Variants in MED1 observed in about 807,000 individuals in gnomAD.
MED1 encodes the protein mediator of RNA polymerase II transcription subunit 1.
MED1 carries 17 observed loss-of-function variants against 121.3 expected under a neutral mutation model. That is an observed-to-expected ratio of 0.14 (90% CI 0.10 to 0.21). The LOEUF is 0.21. Among genes scored for constraint, MED1 ranks in the 10% least tolerant of loss-of-function variants. The probability of loss-of-function intolerance (pLI) is 1.00; values close to 1 mark genes in which losing one functional copy is unlikely to be tolerated. For synonymous variants in MED1, 661 were observed against 694.4 expected, an observed-to-expected ratio of 0.95 and a Z score of 0.76; for missense variants, 1,558 against 1,919.4, an observed-to-expected ratio of 0.81 and a Z score of 3.52.
At chr17:39,437,448 G>A (rs556916814) in intron 6 of MED1, among the ~76,000 whole-genome samples, 6 of 152,252 alleles carry the variant, frequency 3.9e-5, no homozygotes, top group Non-Finnish European at 5.9e-5. Context: ...GGACATGGTT[G>A]TAACAACTAA....
chr17:39,440,018 GAAA>G lies in MED1; in HGVS notation c.399+365_399+367del, dbSNP rs1567651996. On this transcript the variant is annotated intron_variant, in intron 5 of 16. Coordinates refer to ENST00000300651, the MANE Select transcript of MED1 (RefSeq NM_004774.4). The surrounding 1 kb of genome is among the most constrained non-coding windows in gnomAD (Gnocchi z 4.1). ...GGAAGGAAGGAAGGAAGGAAGGAAGGAAAGAAAGAAAGAAAGAGAGAAAGAGAA... is the reference window on the plus strand; with the variant it reads ...GGAAGGAAGGAAGGAAGGAAGGAAGGGAAAGAAAGAAAGAGAGAAAGAGAA... Among the ~76,000 whole-genome samples the G allele has an allele frequency of 7.0e-4, 52 of 74,330 alleles. No homozygotes were observed. The highest frequency in any genetic ancestry group is 1.6e-3 in the Non-Finnish European group (41 of 25,842). 48.8% of individuals were successfully genotyped at this position (74,330 alleles called of 152,430 possible).
chr17:39,409,273 A>G lies in MED1; in HGVS notation c.2948T>C (p.Leu983Pro). The G allele has an allele frequency of 1.2e-6, 2 of 1,613,960 alleles. No individual in the cohort carries two copies. The highest frequency in any genetic ancestry group is 1.7e-6 in the Non-Finnish European group (2 of 1,179,978). Residue 983 changes from leucine (L) to proline (P), a missense_variant, in exon 17 of 17, where the codon CTC (leucine) becomes CCC (proline). Coordinates refer to ENST00000300651, the MANE Select transcript of MED1 (RefSeq NM_004774.4). ...TTTGCTGTCTAATCCGGGCCCCGAG[A>G]GAGTACTATTACTGGTGCCATTGCC... ...KEGNGTSNST[L>P]SGPGLDSKPG...
rs956901847 is a variant in MED1 at position 39,405,843 on chromosome 17, T to C, written c.*1632A>G. 7 of 985,550 alleles carry C rather than the reference T, an allele frequency of 7.1e-6. No individual in the cohort carries two copies. Among genetic ancestry groups the C allele is most frequent in the South Asian group, 9.4e-5 (2 of 21,332 alleles). The allele number at this position is 985,550 out of a possible 1,614,324, so 61.1% of individuals were successfully genotyped here. A position where few individuals can be genotyped will look rare whatever the true frequency, so the allele number is the denominator to read the frequency against. ...TCCAACCTGCAGAAAAAGCTGAATA[T>C]AGAAATCTTCTTCCATATATGATGA... is the stretch of plus-strand genomic sequence containing the variant. On this transcript the variant is annotated 3_prime_UTR_variant, in exon 17 of 17. Coordinates refer to ENST00000300651, the MANE Select transcript of MED1 (RefSeq NM_004774.4).
chr17:39,427,719 T>C lies in MED1; in HGVS notation c.721A>G (p.Ile241Val). The C allele has an allele frequency of 6.3e-7, 1 of 1,599,614 alleles. No homozygotes were observed. Among genetic ancestry groups the C allele is most frequent in the South Asian group, 1.1e-5 (1 of 90,626 alleles). ...LLDDKTASPI[I>V]LHENNVSRSL... ...GTCTTACCATTATTCTCATGCAAAA[T>C]GATGGGAGATGCAGTCTTGTCATCC... Residue 241 changes from isoleucine to valine, a missense_variant, in exon 10 of 17, where the codon ATT becomes GTT. By Grantham distance (29) the Ile-to-Val change is conservative. Coordinates refer to ENST00000300651, the MANE Select transcript of MED1 (RefSeq NM_004774.4).
Position 39,408,118 on chromosome 17 carries a change from G to A in MED1, c.4103C>T (p.Ser1368Phe). ...SDKDKSKVST[S>F]GSSVDSSKKT... ...CTTAGAAGAATCCACTGAACTCCCG[G>A]AGGTGGAAACCTTTGATTTGTCTTT... Residue 1368 changes from serine (S) to phenylalanine (F), a missense_variant, in exon 17 of 17, where the codon TCC (serine) becomes TTC (phenylalanine). Physicochemically the swap from Ser to Phe is radical, Grantham distance 155. This residue lies in a region of MED1 where 264 missense variants were observed against 326.1 expected (regional missense o/e 0.81). Transcript: ENST00000300651. The surrounding 1 kb of genome is among the most constrained non-coding windows in gnomAD (Gnocchi z 4.7). The A allele has an allele frequency of 6.2e-7, 1 of 1,614,090 alleles. No individual in the cohort carries two copies. Among genetic ancestry groups the A allele is most frequent in the Non-Finnish European group, 8.5e-7 (1 of 1,180,032 alleles).
At chr17:39,447,960 G>A in intron 1 of MED1, 56 bp from the exon 2 acceptor site, 1 of 1,164,822 alleles carries the variant, frequency 8.6e-7, no homozygotes, top group Middle Eastern at 2.0e-4. Flanking sequence ...ACCATCCACA[G>A]TTTTCCTTGC....
chr17:39,447,465 TA>T (rs2048739552), intron 2 of MED1, among the ~76,000 whole-genome samples: 1 of 151,994 alleles, frequency 6.6e-6, no homozygotes, highest in African/African-American at 2.4e-5. Context: ...ATATGTTGTA[TA>T]AAATTACCTT....
Position 39,423,835 on chromosome 17 carries a change from A to C in MED1, c.852-14T>G, listed in dbSNP as rs1418045936. The C allele has an allele frequency of 6.3e-7, 1 of 1,590,798 alleles. No homozygotes were observed. The highest frequency in any genetic ancestry group is 1.1e-5 in the South Asian group (1 of 87,108). On this transcript the variant is annotated splice_polypyrimidine_tract_variant and intron_variant, in intron 11 of 16. Transcript: ENST00000300651. ...AAGGAAGGGGTCCTTCAAAAAAAAG[A>C]GGGTGGAAGGGTTGGATTCTGACTT... is the stretch of plus-strand genomic sequence containing the variant.
Position 39,408,454 on chromosome 17 carries a change from G to A in MED1, c.3767C>T (p.Ser1256Phe). The A allele has an allele frequency of 1.2e-6, 2 of 1,614,158 alleles. No homozygotes were observed. The highest frequency in any genetic ancestry group is 1.7e-6 in the Non-Finnish European group (2 of 1,180,028). ...SSGLGSSGSLSQKTPPSSNSC... is the reference protein window; with the variant it reads ...SSGLGSSGSLFQKTPPSSNSC... ...ATTAGATGATGGGGGAGTTTTCTGG[G>A]ACAACGAGCCTGAGGATCCTAACCC... The change falls in exon 17 of 17, where the codon TCC becomes TTC. Residue 1256 changes from serine to phenylalanine, a missense_variant. This residue lies in a region of MED1 where 793 missense variants were observed against 898.2 expected (regional missense o/e 0.88). Transcript: ENST00000300651. This position sits in a 1 kb window ranked among gnomAD's most constrained non-coding sequence, Gnocchi z 4.7.
At chr17:39,414,634 CTTTTTTTTTTTTTTTTTTTTTTTTTT>C (rs55829399) in intron 16 of MED1, among the ~76,000 whole-genome samples, 1 of 61,530 alleles carries the variant, frequency 1.6e-5, no homozygotes, top group Non-Finnish European at 3.1e-5. Context: ...CAGGCCCGGC[CTTTTTTTTTTTTTTTTTTTTTTTTTT>C]TTTTTTTTTT....
rs1189388067 is a variant in MED1, at chr17:39,432,817, C to G, written c.501-801G>C. Among the ~76,000 whole-genome samples the G allele has an allele frequency of 2.0e-5, 3 of 151,740 alleles. No individual in the cohort carries two copies. The East Asian group carries it at 5.8e-4, about 29-fold the overall frequency. ...CGGTGGCTCACGCCTGTAATCCCAA[C>G]ACTTTGGGAGGCCGAAGCGGGTAGA... On this transcript the variant is annotated intron_variant, in intron 7 of 16. Coordinates refer to ENST00000300651, the MANE Select transcript of MED1 (RefSeq NM_004774.4).
rs1201367790 is a variant in MED1, at chr17:39,423,423, T to C, written c.999A>G (p.Gln333=). The C allele has an allele frequency of 1.1e-5, 18 of 1,613,524 alleles. No homozygotes were observed. The highest frequency in any genetic ancestry group is 2.7e-5 in the African/African-American group (2 of 74,882). ...GTTCATACAGGGGTGCATAAGTTGGTTGAGTTTCAAACAATGGAATTCCTG... is the reference window on the plus strand; with the variant it reads ...GTTCATACAGGGGTGCATAAGTTGGCTGAGTTTCAAACAATGGAATTCCTG... The part of the protein sequence containing the change: ...NCTGIPLFET[Q]PTYAPLYELI... Residue 333 remains glutamine, a synonymous_variant, in exon 13 of 17, where the codon CAA becomes CAG. Transcript: ENST00000300651.
intron 1 of MED1, among the ~76,000 whole-genome samples, chr17:39,448,965 C>CA (rs2144779672): frequency 6.6e-6 from 1 of 151,868 alleles, no homozygotes; most frequent in African/African-American, 2.4e-5. Flanking sequence ...ACAAACTAGA[C>CA]AAAAACTCCT....
At position 39,407,830 on chromosome 17, in the gene MED1, TCACTGTC is replaced by T; in HGVS notation, c.4384_4390del (p.Asp1462LysfsTer8). ...TGCTATGGAGGAGCCTGACTCACTT[TCACTGTC>T]CAGATTCTGGGGGGTATATGCTGGT... On this transcript the variant is annotated frameshift_variant, in exon 17 of 17. Transcript: ENST00000300651. LOFTEE classifies it high-confidence loss of function. 6.2e-7 allele frequency: 1 copy of T among 1,614,214 alleles called. No homozygotes were observed. Among genetic ancestry groups the T allele is most frequent in the Non-Finnish European group, 8.5e-7 (1 of 1,180,042 alleles).
chr17:39,410,785 A>G (rs2048348594), intron 16 of MED1, 64 bp from the exon 17 acceptor site: 2 of 1,525,718 alleles, frequency 1.3e-6, no homozygotes, highest in Non-Finnish European at 1.8e-6. Context: ...CCTGAGATTT[A>G]GATATAACAT....
rs1211831562 is a variant in MED1, at chr17:39,424,844, A to G, written c.740-106T>C. Reference sequence around the variant, plus strand: ...TTGCAATATTTGTCAGCTATAATTTATCAGATGCTGTTATTCCCTTATTTA... The same window carrying G: ...TTGCAATATTTGTCAGCTATAATTTGTCAGATGCTGTTATTCCCTTATTTA... On this transcript the variant is annotated intron_variant, in intron 10 of 16. Coordinates refer to ENST00000300651, the MANE Select transcript of MED1 (RefSeq NM_004774.4). 12 of 693,408 alleles carry G rather than the reference A, an allele frequency of 1.7e-5. 1 individual carries two copies. The highest frequency in any genetic ancestry group is 9.3e-5 in the African/African-American group (5 of 53,706). 43.0% of individuals were successfully genotyped at this position (693,408 alleles called of 1,614,324 possible). A position where few individuals can be genotyped will look rare whatever the true frequency, so the allele number is the denominator to read the frequency against.
At chr17:39,414,626 G>T (rs12945015) in intron 16 of MED1, among the ~76,000 whole-genome samples, 77,364 of 115,590 alleles carry the variant, frequency 0.67, 26,274 homozygotes, top group South Asian at 0.88. Context: ...TGAGCCACCA[G>T]GCCCGGCCTT....
intron 9 of MED1, among the ~76,000 whole-genome samples, chr17:39,429,252 T>C (rs999137631): frequency 1.3e-5 from 2 of 152,000 alleles, no homozygotes; most frequent in African/African-American, 2.4e-5. Flanking sequence ...CTCAGGGGGC[T>C]GAGGTGGGAA....
In MED1 at chr17:39,415,328, G is replaced by T; in HGVS notation, c.1309C>A (p.Leu437Ile). ...RTILKEDSPG[L>I]LQFEVCPLSE... ...AGAGGACACACTTCAAATTGGAGAA[G>T]CCCAGGAGAATCTAAAAGGCAAAGA... The change falls in exon 15 of 17, where the codon CTT (leucine) becomes ATT (isoleucine). Residue 437 changes from leucine to isoleucine, a missense_variant. This residue lies in a region of MED1 where 443 missense variants were observed against 532.4 expected (regional missense o/e 0.83). Transcript: ENST00000300651. The T allele has an allele frequency of 6.2e-7, 1 of 1,611,816 alleles. No individual in the cohort carries two copies. Among genetic ancestry groups the T allele is most frequent in the Non-Finnish European group, 8.5e-7 (1 of 1,178,236 alleles).
Sources: allele counts gnomAD v4.1 joint callset (sites outside exome capture counted in the v4.1 genomes callset), GRCh38; gene constraint gnomAD v4.1.1; regional missense constraint gnomAD v4.1.1; non-coding constraint Gnocchi (gnomAD v3.1); transcripts MANE v1.5; gene names NCBI Gene and HGNC (gene_info 2026-07-23, HGNC 2026-07-21).